MYRIP: variants seen among roughly 807,000 people sequenced by gnomAD.
MYRIP encodes rab effector MyRIP.
A neutral mutation model predicts 98.0 loss-of-function variants in MYRIP; 49 were observed. The observed-to-expected ratio is 0.50, with a 90% CI of 0.40 to 0.63. MYRIP has a LOEUF of 0.63. Ranked by LOEUF, MYRIP falls within the 30% of genes least tolerant of loss-of-function variation. The pLI, the probability that MYRIP is intolerant of heterozygous loss-of-function variation, is 0.00. For synonymous variants in MYRIP, 404 were observed against 409.5 expected (o/e 0.99, Z 0.16); for missense variants, 1,004 against 1,058.2 (o/e 0.95, Z 0.71).
At chr3:39,941,775 T>G (rs550563344) in intron 2 of MYRIP, among the ~76,000 whole-genome samples, 7 of 152,238 alleles carry the variant, frequency 4.6e-5, no homozygotes, top group Admixed American at 3.9e-4. Context: ...TTTTATAACA[T>G]AAATAATGCT....
chr3:40,053,505 C>A (rs1947830725), intron 3 of MYRIP, among the ~76,000 whole-genome samples: 1 of 152,112 alleles, frequency 6.6e-6, no homozygotes, highest in Admixed American at 6.5e-5. Flanking sequence ...ATCAAGAGGA[C>A]TTGCTATGGG....
intron 1 of MYRIP, among the ~76,000 whole-genome samples, chr3:39,864,840 G>T (rs1257433827): frequency 2.0e-5 from 3 of 151,592 alleles, no homozygotes; most frequent in Non-Finnish European, 4.4e-5. Context: ...AGCCTAAATA[G>T]CCAAGGCAAT....
intron 2 of MYRIP, among the ~76,000 whole-genome samples, chr3:39,917,184 A>C (rs1944182684): frequency 6.6e-6 from 1 of 152,040 alleles, no homozygotes; most frequent in South Asian, 2.1e-4. Context: ...CATATGACTA[A>C]AAAGAATAAC....
At chr3:40,141,792 C>G (rs1171203705) in intron 3 of MYRIP, among the ~76,000 whole-genome samples, 1 of 152,134 alleles carries the variant, frequency 6.6e-6, no homozygotes, top group Non-Finnish European at 1.5e-5. Context: ...CTACTCTGCT[C>G]TATTGGTTTA....
intron 2 of MYRIP, among the ~76,000 whole-genome samples, chr3:40,043,698 C>A (rs56737044): frequency 0.065 from 9,968 of 152,242 alleles, 403 homozygotes; most frequent in East Asian, 0.21. Flanking sequence ...TGATCTCCTG[C>A]TCCTTTAAAA....
chr3:39,971,429 T>C (rs1945580330), intron 2 of MYRIP, among the ~76,000 whole-genome samples: 1 of 152,036 alleles, frequency 6.6e-6, no homozygotes, highest in Admixed American at 6.6e-5. Flanking sequence ...GTATAGATAA[T>C]AGATAGTGTA....
At chr3:40,059,173 A>G (rs1044610334) in intron 3 of MYRIP, among the ~76,000 whole-genome samples, 17 of 152,204 alleles carry the variant, frequency 1.1e-4, no homozygotes, top group Admixed American at 6.5e-4. Context: ...TTCTTTATCC[A>G]GTCTATTATT....
intron 3 of MYRIP, among the ~76,000 whole-genome samples, chr3:40,104,191 A>G: frequency 6.6e-6 from 1 of 152,142 alleles, no homozygotes; most frequent in East Asian, 1.9e-4. Context: ...AGGTATTGTC[A>G]TTTTTTAAAT....
At chr3:40,200,416 T>TAAATCC (rs1951523988) in intron 10 of MYRIP, among the ~76,000 whole-genome samples, 1 of 152,114 alleles carries the variant, frequency 6.6e-6, no homozygotes, top group Non-Finnish European at 1.5e-5. Flanking sequence ...AAAATGTGCA[T>TAAATCC]AAATCCAACA....
intron 3 of MYRIP, among the ~76,000 whole-genome samples, chr3:40,057,620 T>C (rs1301148255): frequency 6.6e-6 from 1 of 152,138 alleles, no homozygotes; most frequent in East Asian, 1.9e-4. Flanking sequence ...ACTTTCTCTG[T>C]CTTAGTGGTG....
intron 5 of MYRIP, among the ~76,000 whole-genome samples, chr3:40,164,576 T>C (rs1950464706): frequency 6.6e-6 from 1 of 152,234 alleles, no homozygotes; most frequent in African/African-American, 2.4e-5. Flanking sequence ...AATACCTTCA[T>C]GGCAACACCT....
chr3:40,104,757 G>A (rs888098584), intron 3 of MYRIP, among the ~76,000 whole-genome samples: 51 of 152,254 alleles, frequency 3.3e-4, no homozygotes, highest in African/African-American at 1.2e-3. Flanking sequence ...AAGACACAAA[G>A]AGACAGTCTT....
At chr3:39,896,940 G>T (rs1424381819) in intron 1 of MYRIP, among the ~76,000 whole-genome samples, 2 of 151,782 alleles carry the variant, frequency 1.3e-5, no homozygotes, top group East Asian at 3.9e-4. Context: ...AGTTATTTTA[G>T]CCAGGAATAA....
chr3:39,812,632 A>G (rs1211694374), intron 1 of MYRIP, among the ~76,000 whole-genome samples: 2 of 152,260 alleles, frequency 1.3e-5, no homozygotes, highest in Admixed American at 6.5e-5. Context: ...TTCTCATTTG[A>G]TATATAAAAA....
At chr3:40,070,972 A>G (rs1247824132) in intron 3 of MYRIP, 1 of 183,284 alleles carries the variant, frequency 5.5e-6, no homozygotes, top group African/African-American at 2.4e-5. Flanking sequence ...GCACAAACCA[A>G]CAGACTGATG....
intron 3 of MYRIP, among the ~76,000 whole-genome samples, chr3:40,109,761 C>T (rs1262909953): frequency 1.3e-5 from 2 of 152,228 alleles, no homozygotes; most frequent in Admixed American, 6.5e-5. Context: ...TCCTCTGGAC[C>T]AGCCCATAAT....
intron 9 of MYRIP, among the ~76,000 whole-genome samples, chr3:40,182,583 C>T (rs1303128468): frequency 6.6e-6 from 1 of 152,168 alleles, no homozygotes; most frequent in Non-Finnish European, 1.5e-5. Context: ...CCTAGCTGCT[C>T]TGGCAGAATG....
At chr3:39,871,801 G>C (rs946795458) in intron 1 of MYRIP, among the ~76,000 whole-genome samples, 7 of 151,904 alleles carry the variant, frequency 4.6e-5, no homozygotes, top group African/African-American at 1.2e-4. Flanking sequence ...GAATTATCTA[G>C]AATTATTTTT....
At chr3:40,040,400 C>T (rs1252866856) in intron 2 of MYRIP, among the ~76,000 whole-genome samples, 1 of 119,278 alleles carries the variant, frequency 8.4e-6, no homozygotes, top group Non-Finnish European at 1.7e-5. Flanking sequence ...ACTAGTTCAA[C>T]CATTGTGGAA....
Sources: allele counts gnomAD v4.1 joint callset (sites outside exome capture counted in the v4.1 genomes callset), GRCh38; gene constraint gnomAD v4.1.1; transcripts MANE v1.5; gene names NCBI Gene and HGNC (gene_info 2026-07-23, HGNC 2026-07-21).